Variants in ATP8B4 observed in about 807,000 individuals in gnomAD.
The protein encoded by ATP8B4 is ATPase phospholipid transporting 8B4 (putative).
ATP8B4 carries 133 observed loss-of-function variants against 145.6 expected under a neutral mutation model. The observed-to-expected ratio is 0.91, with a 90% CI of 0.79 to 1.05. The LOEUF (loss-of-function observed/expected upper bound fraction) is 1.05. Among genes scored for constraint, ATP8B4 ranks in the 50% least tolerant of loss-of-function variants. The probability of loss-of-function intolerance (pLI) is 0.00; values close to 1 mark genes in which losing one functional copy is unlikely to be tolerated. For synonymous variants in ATP8B4, 507 were observed against 492.9 expected (o/e 1.03, Z -0.38); for missense variants, 1,458 against 1,425.2 (o/e 1.02, Z -0.37).
intron 1 of ATP8B4, among the ~76,000 whole-genome samples, chr15:50,146,014 CT>C (rs10624735): frequency 4.7e-4 from 63 of 133,438 alleles, no homozygotes; most frequent in Middle Eastern, 4.1e-3. Context: ...TAAATGTTTA[CT>C]TTTTTTTTTT....
intron 23 of ATP8B4, among the ~76,000 whole-genome samples, chr15:49,883,906 C>A (rs749293000): frequency 6.6e-6 from 1 of 152,024 alleles, no homozygotes; most frequent in Non-Finnish European, 1.5e-5. Flanking sequence ...ATGTATTTAC[C>A]CTTTCACCCC....
intron 1 of ATP8B4, among the ~76,000 whole-genome samples, chr15:50,136,463 C>T (rs1309848301): frequency 6.6e-6 from 1 of 152,168 alleles, no homozygotes; most frequent in African/African-American, 2.4e-5. Context: ...AGGGATAAAG[C>T]CAGGCTGGGG....
chr15:49,909,164 A>G (rs919877738), intron 20 of ATP8B4, among the ~76,000 whole-genome samples: 2 of 152,010 alleles, frequency 1.3e-5, no homozygotes, highest in African/African-American at 4.8e-5. Context: ...CCAGTACTTG[A>G]GCATACCACC....
chr15:50,097,068 T>C (rs2056037202), intron 2 of ATP8B4, among the ~76,000 whole-genome samples: 1 of 152,178 alleles, frequency 6.6e-6, no homozygotes. Context: ...AAATGCAAAT[T>C]CAAACAAAAA....
intron 7 of ATP8B4, among the ~76,000 whole-genome samples, chr15:50,010,240 T>A (rs2048627667): frequency 6.6e-6 from 1 of 152,116 alleles, no homozygotes. Flanking sequence ...TGAACTATAG[T>A]TAGTTGCATA....
upstream of ATP8B4, among the ~76,000 whole-genome samples, chr15:50,124,128 C>T (rs555144789): frequency 3.3e-5 from 5 of 152,178 alleles, no homozygotes; most frequent in African/African-American, 1.2e-4. Context: ...GTAACATATG[C>T]CCTCATAGCC....
intron 3 of ATP8B4, 34 bp from the exon 4 acceptor site, chr15:50,047,498 C>T: frequency 7.9e-7 from 1 of 1,266,008 alleles, no homozygotes; most frequent in Non-Finnish European, 1.2e-6. Flanking sequence ...TAGTTTGGGG[C>T]AAGGCATTGC....
chr15:50,019,094 G>A (rs2049326790), intron 6 of ATP8B4: 3 of 514,006 alleles, frequency 5.8e-6, no homozygotes, highest in South Asian at 4.6e-5. Flanking sequence ...CCTGTCCTTT[G>A]AGGATGACTT....
At chr15:50,003,291 T>TGTGC (rs2153562423) in intron 7 of ATP8B4, among the ~76,000 whole-genome samples, 1 of 151,832 alleles carries the variant, frequency 6.6e-6, no homozygotes, top group East Asian at 1.9e-4. Context: ...TGTGTGTGTG[T>TGTGC]GTGTGTGTGT....
chr15:49,859,411 CT>C lies in ATP8B4; in HGVS notation c.*782del, dbSNP rs1474017706. ...GGTCTGGATGATGCTCAGCAAATTA[CT>C]ACTGAGGTTGTTAGAAAAGCCATTG... On this transcript the variant is annotated 3_prime_UTR_variant, in exon 28 of 28. Coordinates refer to ENST00000284509, the MANE Select transcript of ATP8B4 (RefSeq NM_024837.4). The C allele has an allele frequency of 1.0e-3, 152 of 152,306 alleles. No homozygotes were observed. Among genetic ancestry groups the C allele is most frequent in the Middle Eastern group, 3.4e-3 (1 of 294 alleles). The allele number at this position is 152,306 out of a possible 1,614,324, so 9.4% of individuals were successfully genotyped here.
chr15:49,866,428 G>A lies in ATP8B4; in HGVS notation c.3084C>T (p.Ser1028=), dbSNP rs2032796207. The part of the protein sequence containing the change: ...TFINHVFIWG[S]IAIYFSILFT... ...ATAAAATGGAGAAATAAATGGCAAT[G>A]CTCCCCCAGATGAAGACGTGATTAA... is the stretch of plus-strand genomic sequence containing the variant. Residue 1028 remains serine, a synonymous_variant, in exon 26 of 28, where the codon AGC becomes AGT. Coordinates refer to ENST00000284509, the MANE Select transcript of ATP8B4 (RefSeq NM_024837.4). 1.2e-6 allele frequency: 2 copies of A among 1,613,536 alleles called. No individual in the cohort carries two copies. Among genetic ancestry groups the A allele is most frequent in the African/African-American group, 1.3e-5 (1 of 75,046 alleles).
At chr15:49,974,714 T>C (rs1237899915) in intron 12 of ATP8B4, among the ~76,000 whole-genome samples, 1 of 152,196 alleles carries the variant, frequency 6.6e-6, no homozygotes, top group African/African-American at 2.4e-5. Flanking sequence ...TTTAATTCCT[T>C]ATCCCAATTG....
rs1317886934 is a variant in ATP8B4 at position 50,113,910 on chromosome 15, C to T, written c.-43+5213G>A. ...TGCAACTACAGGTATATGCAATTAC[C>T]GTGCCTCAACAATAAATTATTGTTA... On this transcript the variant is annotated intron_variant, in intron 1 of 27. Coordinates refer to ENST00000284509, the MANE Select transcript of ATP8B4 (RefSeq NM_024837.4). 4.0e-5 allele frequency among the ~76,000 whole-genome samples: 6 copies of T among 149,358 alleles called. 1 individual carries two copies. In the South Asian group the frequency reaches 6.3e-4, roughly 16 times the overall value.
At chr15:50,029,255 A>AAAAAAAAAAAAAAAC (rs776952913) in intron 6 of ATP8B4, among the ~76,000 whole-genome samples, 9 of 141,154 alleles carry the variant, frequency 6.4e-5, no homozygotes, top group Non-Finnish European at 8.0e-5. Flanking sequence ...AAAAAAAAAA[A>AAAAAAAAAAAAAAAC]AACAGAAAAA....
intron 1 of ATP8B4, among the ~76,000 whole-genome samples, chr15:50,164,834 G>A (rs2044572792): frequency 6.6e-6 from 1 of 152,176 alleles, no homozygotes; most frequent in African/African-American, 2.4e-5. Context: ...CTCTTCATGG[G>A]CAGCAGCTGA....
At chr15:50,115,088 T>A (rs911516325) in intron 1 of ATP8B4, among the ~76,000 whole-genome samples, 2 of 152,168 alleles carry the variant, frequency 1.3e-5, no homozygotes, top group African/African-American at 4.8e-5. Flanking sequence ...CCCAACACTT[T>A]GGGAGGCCAA....
At chr15:50,000,814 T>TC (rs1041235337) in intron 8 of ATP8B4, among the ~76,000 whole-genome samples, 1 of 152,294 alleles carries the variant, frequency 6.6e-6, no homozygotes, top group African/African-American at 2.4e-5. Flanking sequence ...CCTATTTTTT[T>TC]CCTCAAAGCT....
At chr15:49,904,590 C>T (rs1232794206) in intron 20 of ATP8B4, among the ~76,000 whole-genome samples, 2 of 152,130 alleles carry the variant, frequency 1.3e-5, no homozygotes, top group East Asian at 3.9e-4. Flanking sequence ...TTTTGTTTGG[C>T]CTGCACAGTG....
At chr15:50,019,090 CT>C (rs1463428284) in intron 6 of ATP8B4, 1 of 524,060 alleles carries the variant, frequency 1.9e-6, no homozygotes, top group African/African-American at 2.0e-5. Flanking sequence ...TGTCCCTGTC[CT>C]TTGAGGATGA....
Sources: allele counts gnomAD v4.1 joint callset (sites outside exome capture counted in the v4.1 genomes callset), GRCh38; gene constraint gnomAD v4.1.1; transcripts MANE v1.5; gene names NCBI Gene and HGNC (gene_info 2026-07-23, HGNC 2026-07-21).